The following ZP1 variants were observed in gnomAD, a reference collection of about 807,000 sequenced individuals.
The protein encoded by ZP1 is zona pellucida sperm-binding protein 1.
Under a neutral mutation model 67.4 loss-of-function variants are expected in ZP1, and 58 were observed. The observed-to-expected ratio is 0.86, with a 90% confidence interval of 0.70 to 1.07. ZP1 has a LOEUF of 1.07. ZP1 is among the 50% of genes least tolerant of loss of function. The pLI is 0.00. For missense variants in ZP1, 759 were observed against 807.3 expected (o/e 0.94, Z 0.72); for synonymous variants, 333 against 332.7 (o/e 1.00, Z -0.01).
intron 6 of ZP1, among the ~76,000 whole-genome samples, chr11:60,872,068 T>C (rs1855582396): frequency 6.6e-6 from 1 of 152,234 alleles, no homozygotes; most frequent in Admixed American, 6.5e-5. Flanking sequence ...TTCAAATGTA[T>C]TTGGCTTTAA....
In ZP1 at chr11:60,869,267, G is replaced by T; in HGVS notation, c.318+1G>T. The T allele has an allele frequency of 6.2e-7, 1 of 1,614,178 alleles. No homozygotes were observed. The highest frequency in any genetic ancestry group is 8.5e-7 in the Non-Finnish European group (1 of 1,180,028). On this transcript the variant is annotated splice_donor_variant, in intron 2 of 11. Transcript: ENST00000278853. LOFTEE classifies it high-confidence loss of function. ...CAGAGGCTGCCACGTGCTGGAGAAG[G>T]TAGGGGTTGTTCATGCTCTGGCACA...
rs760037578 is a variant in ZP1 at position 60,869,230 on chromosome 11, C to T, written c.282C>T (p.Phe94=). The T allele has an allele frequency of 1.9e-6, 3 of 1,614,112 alleles. No homozygotes were observed. Among genetic ancestry groups the T allele is most frequent in the Non-Finnish European group, 2.5e-6 (3 of 1,180,056 alleles). Residue 94 remains phenylalanine, a synonymous_variant, in exon 2 of 12, where the codon TTC becomes TTT. Coordinates refer to ENST00000278853, the MANE Select transcript of ZP1 (RefSeq NM_207341.4). The stretch of plus-strand genomic sequence containing the variant: ...CCAGGCCGCAGGAGCCTGCAGTCTT[C>T]TCGGCCGATTACAGAGGCTGCCACG... The part of the protein sequence containing the change: ...VTSRPQEPAV[F]SADYRGCHVL...
intron 6 of ZP1, among the ~76,000 whole-genome samples, chr11:60,872,011 C>T (rs1474255615): frequency 1.3e-5 from 2 of 152,190 alleles, no homozygotes; most frequent in South Asian, 2.1e-4. Flanking sequence ...TCTCCTTCCC[C>T]TTCCCGCCCT....
In ZP1 at chr11:60,875,631, A is replaced by C; in HGVS notation, c.1892A>C (p.Lys631Thr). Residue 631 changes from lysine (K) to threonine (T), a missense_variant, in exon 12 of 12, where the codon AAG (lysine) becomes ACG (threonine). Physicochemically the swap from Lys to Thr is moderately conservative, Grantham distance 78. Coordinates refer to ENST00000278853, the MANE Select transcript of ZP1 (RefSeq NM_207341.4). ...FVGLSQTWAQ[K>T]LWESNRQ ...GGCCTGAGCCAGACCTGGGCCCAGA[A>C]GCTCTGGGAAAGCAACAGACAGTGA... The C allele has an allele frequency of 1.2e-6, 2 of 1,614,162 alleles. No individual in the cohort carries two copies. The highest frequency in any genetic ancestry group is 1.7e-6 in the Non-Finnish European group (2 of 1,180,018).
chr11:60,870,888 C>A, intron 4 of ZP1, 69 bp from the exon 5 acceptor site: 1 of 1,503,832 alleles, frequency 6.6e-7, no homozygotes, highest in South Asian at 1.3e-5. Context: ...GCCTGGCTGT[C>A]ACCCAGCCAT....
chr11:60,870,052 T>C, intron 3 of ZP1, 152 bp downstream of exon 3: 2 of 1,063,796 alleles, frequency 1.9e-6, no homozygotes, highest in Middle Eastern at 5.3e-4. Context: ...TTTGTAGTAT[T>C]TGGAAAACAG....
At position 60,871,152 on chromosome 11, in the gene ZP1, C is replaced by T. The variant is rs535323884; in HGVS notation, c.1014+8C>T. 5 of 1,613,894 alleles carry T rather than the reference C, an allele frequency of 3.1e-6. No homozygotes were observed. In the South Asian group the frequency reaches 5.5e-5, roughly 18 times the overall value. ...TGTGGAACCACAATGCAGGTAGGAG[C>T]CGGGACCACAGGCTGGGGCCTGGTC... On this transcript the variant is annotated splice_region_variant and intron_variant, in intron 5 of 11. Transcript: ENST00000278853.
At chr11:60,873,328 T>G (rs1224728866) in intron 7 of ZP1, 39 bp downstream of exon 7, 1 of 1,587,722 alleles carries the variant, frequency 6.3e-7, no homozygotes. Context: ...GGCCCCCACT[T>G]CCCTGATGCA....
chr11:60,875,320 G>T (rs966906772), intron 11 of ZP1, 72 bp downstream of exon 11: 1 of 1,554,222 alleles, frequency 6.4e-7, no homozygotes, highest in East Asian at 2.3e-5. Context: ...TGACAAAACA[G>T]GGATGCTCCA....
chr11:60,867,552 G>T lies in ZP1; in HGVS notation c.-10G>T, dbSNP rs758085647. On this transcript the variant is annotated 5_prime_UTR_variant, in exon 1 of 12. Coordinates refer to ENST00000278853, the MANE Select transcript of ZP1 (RefSeq NM_207341.4). ...TGGCGAGGGAGTAGGGGGTGTGTCT[G>T]TGGCGTCTCATGGCAGGAGGCTCAG... 3 of 1,604,852 alleles carry T rather than the reference G, an allele frequency of 1.9e-6. No individual in the cohort carries two copies. Among genetic ancestry groups the T allele is most frequent in the Admixed American group, 3.4e-5 (2 of 59,296 alleles).
rs755321844 is a variant in ZP1, at chr11:60,875,205, C to T, written c.1731C>T (p.Gly577=). Residue 577 remains glycine (G), a synonymous_variant, in exon 11 of 12, where the codon GGC becomes GGT. Transcript: ENST00000278853. ...QDIVSSPGPV[G]FEDSYGQEPT... is the part of the protein sequence containing the mutation. ...TCGTGAGCTCTCCGGGGCCAGTGGG[C>T]TTTGAGGATTCTTATGGGCAGGAGC... The T allele has an allele frequency of 6.2e-7, 1 of 1,613,634 alleles. No individual in the cohort carries two copies. Among genetic ancestry groups the T allele is most frequent in the Non-Finnish European group, 8.5e-7 (1 of 1,180,034 alleles).
At chr11:60,867,895 C>T (rs1855500364) in intron 1 of ZP1, 138 bp downstream of exon 1, 4 of 985,056 alleles carry the variant, frequency 4.1e-6, no homozygotes, top group African/African-American at 1.7e-5. Context: ...CACCCCCTCA[C>T]CACAGAAAAG....
chr11:60,873,917 A>C lies in ZP1; in HGVS notation c.1572+142A>C, dbSNP rs1855645901. On this transcript the variant is annotated intron_variant, in intron 9 of 11. Coordinates refer to ENST00000278853, the MANE Select transcript of ZP1 (RefSeq NM_207341.4). ...GCGTCTACCAGGTGTCATGGAAAGC[A>C]GCGGGCTTCGGGTCAGCAAGAAGGT... The C allele has an allele frequency of 8.4e-6, 10 of 1,185,278 alleles. No homozygotes were observed. The South Asian group carries it at 1.3e-4, about 16-fold the overall frequency. The allele number at this position is 1,185,278 out of a possible 1,614,324, so 73.4% of individuals were successfully genotyped here. A position where few individuals can be genotyped will look rare whatever the true frequency, so the allele number is the denominator to read the frequency against.
In ZP1 at chr11:60,870,998, G is replaced by A. The variant is rs753659950; in HGVS notation, c.868G>A (p.Val290Met). ...CAGAGATGGCTACTTCGTCCTCGTG[G>A]TGTCCCAAGAAATGGCCTTGACACA... ...CFRDGYFVLV[V>M]SQEMALTHRI... The change falls in exon 5 of 12, where the codon GTG becomes ATG. Residue 290 changes from valine to methionine, a missense_variant. Coordinates refer to ENST00000278853, the MANE Select transcript of ZP1 (RefSeq NM_207341.4). 1.9e-6 allele frequency: 3 copies of A among 1,614,198 alleles called. No homozygotes were observed. The highest frequency in any genetic ancestry group is 2.2e-5 in the East Asian group (1 of 44,888).
chr11:60,870,523 CG>C, intron 4 of ZP1, 48 bp downstream of exon 4: 1 of 1,543,090 alleles, frequency 6.5e-7, no homozygotes, highest in African/African-American at 1.4e-5. Flanking sequence ...GATTCTGAAG[CG>C]GAAGGAGAGC....
rs1335466042 is a variant in ZP1, at chr11:60,870,437, A to G, written c.788A>G (p.Asp263Gly). 2.5e-6 allele frequency: 4 copies of G among 1,613,308 alleles called. No individual in the cohort carries two copies. In the South Asian group the frequency reaches 4.4e-5, roughly 18 times the overall value. ...TGTCAGCAGGCTGGCTGCTGCTATG[A>G]CAACACCAGAGAGGTTCCCTGTTAC... ...EACQQAGCCY[D>G]NTREVPCYYG... is the part of the protein sequence containing the mutation. Residue 263 changes from aspartate (D) to glycine (G), a missense_variant, in exon 4 of 12, where the codon GAC becomes GGC. Physicochemically the swap from Asp to Gly is moderately conservative, Grantham distance 94 (BLOSUM62 -1). Transcript: ENST00000278853.
chr11:60,869,898 T>C lies in ZP1; in HGVS notation c.680T>C (p.Ile227Thr), dbSNP rs956087893. The change falls in exon 3 of 12, where the codon ATA becomes ACA. Residue 227 changes from isoleucine (I) to threonine (T), a missense_variant and splice_region_variant. Transcript: ENST00000278853. Reference sequence around the variant, plus strand: ...TGGGATGTGAACAAACGAGATTACATAGGTACGCAGGACATCTGAGTGTAC... The same window carrying C: ...TGGGATGTGAACAAACGAGATTACACAGGTACGCAGGACATCTGAGTGTAC... ...EHWDVNKRDY[I>T]GTHLSQEQCQ... The C allele has an allele frequency of 2.5e-5, 38 of 1,548,666 alleles. No individual in the cohort carries two copies. The highest frequency in any genetic ancestry group is 1.1e-4 in the East Asian group (5 of 44,260).
chr11:60,871,476 C>T (rs964641945), intron 6 of ZP1, among the ~76,000 whole-genome samples, 162 bp downstream of exon 6: 2 of 152,232 alleles, frequency 1.3e-5, no homozygotes, highest in Non-Finnish European at 2.9e-5. Context: ...CCAGCCTCCC[C>T]TGCTGGGCAG....
At position 60,875,253 on chromosome 11, in the gene ZP1, G is replaced by A. The variant is rs745668484; in HGVS notation, c.1774+5G>A. 3 of 1,609,506 alleles carry A rather than the reference G, an allele frequency of 1.9e-6. No individual in the cohort carries two copies. Among genetic ancestry groups the A allele is most frequent in the Non-Finnish European group, 2.5e-6 (3 of 1,179,410 alleles). ...AGCCCACACTTGGGCCCACAGGTAG[G>A]AGGGCTTCTGGGTGGGCCCCTCAGG... On this transcript the variant is annotated splice_donor_5th_base_variant and intron_variant, in intron 11 of 11. Coordinates refer to ENST00000278853, the MANE Select transcript of ZP1 (RefSeq NM_207341.4).
Sources: allele counts gnomAD v4.1 joint callset (sites outside exome capture counted in the v4.1 genomes callset), GRCh38; gene constraint gnomAD v4.1.1; transcripts MANE v1.5; gene names NCBI Gene and HGNC (gene_info 2026-07-23, HGNC 2026-07-21).